IL2RB: variants seen among roughly 807,000 people sequenced by gnomAD.
IL2RB encodes interleukin 2 receptor subunit beta.
In IL2RB, 17 loss-of-function variants were observed where a neutral mutation model predicts 44.2. The ratio of observed to expected loss-of-function variants is 0.38; its 90% CI spans 0.26 to 0.58. The LOEUF (loss-of-function observed/expected upper bound fraction) is 0.58, where lower values mean the gene tolerates loss of function less well. Ranked by LOEUF, IL2RB falls within the 20% of genes least tolerant of loss-of-function variation. The probability of loss-of-function intolerance (pLI) is 0.63; values close to 1 mark genes in which losing one functional copy is unlikely to be tolerated. For missense variants in IL2RB, 624 were observed against 685.5 expected (o/e 0.91, Z 1.00); for synonymous variants, 286 against 297.9 (o/e 0.96, Z 0.41).
At chr22:37,132,215 C>T (rs939473760) in intron 9 of IL2RB, among the ~76,000 whole-genome samples, 169 bp downstream of exon 9, 10 of 152,134 alleles carry the variant, frequency 6.6e-5, no homozygotes, top group African/African-American at 2.2e-4. Context: ...GGCAGTCTGG[C>T]TCAGATGGAA....
intron 1 of IL2RB, among the ~76,000 whole-genome samples, chr22:37,160,706 G>A (rs1468261521): frequency 4.7e-5 from 5 of 107,180 alleles, no homozygotes; most frequent in Middle Eastern, 4.1e-3. Context: ...AAATTTAGCC[G>A]GGCATGGTGG....
At chr22:37,143,106 G>T (rs979945669) in intron 3 of IL2RB, among the ~76,000 whole-genome samples, 1 of 152,164 alleles carries the variant, frequency 6.6e-6, no homozygotes, top group Middle Eastern at 3.4e-3. Context: ...CCACTCCCAG[G>T]TTCCCTGTCC....
intron 9 of IL2RB, among the ~76,000 whole-genome samples, 165 bp downstream of exon 9, chr22:37,132,218 AG>A (rs1321991218): frequency 6.6e-6 from 1 of 152,198 alleles, no homozygotes; most frequent in Non-Finnish European, 1.5e-5. Flanking sequence ...AGTCTGGCTC[AG>A]ATGGAAAGTG....
rs536173701 is a variant in IL2RB at position 37,145,251 on chromosome 22, C to T, written c.-33-1046G>A. ...CTTTACGGAGGACCTTGTCCACACT[C>T]GTACTCCCCTACCTGCCTGGAAGCT... On this transcript the variant is annotated intron_variant, in intron 1 of 9. Transcript: ENST00000216223. Among the ~76,000 whole-genome samples the T allele has an allele frequency of 3.3e-5, 5 of 152,274 alleles. No individual in the cohort carries two copies. In the South Asian group the frequency reaches 6.2e-4, roughly 19 times the overall value.
At chr22:37,160,765 G>A (rs1432938973) in intron 1 of IL2RB, among the ~76,000 whole-genome samples, 2 of 151,266 alleles carry the variant, frequency 1.3e-5, no homozygotes, top group Non-Finnish European at 2.9e-5. Flanking sequence ...TGGGAGGATC[G>A]CTTGAGCCTG....
At chr22:37,130,040 C>T (rs1396781295) in intron 9 of IL2RB, among the ~76,000 whole-genome samples, 1 of 152,238 alleles carries the variant, frequency 6.6e-6, no homozygotes, top group Non-Finnish European at 1.5e-5. Flanking sequence ...CACACACACA[C>T]GCTTACATGC....
At chr22:37,154,476 G>A (rs943136022), upstream of IL2RB, among the ~76,000 whole-genome samples, 13 of 152,076 alleles carry the variant, frequency 8.5e-5, no homozygotes, top group African/African-American at 2.9e-4. Context: ...TCTGGCTAAT[G>A]GGATGTGGGA....
At chr22:37,133,399 A>G (rs1045190334) in intron 8 of IL2RB, among the ~76,000 whole-genome samples, 1 of 152,202 alleles carries the variant, frequency 6.6e-6, no homozygotes, top group Non-Finnish European at 1.5e-5. Context: ...GACGAGGGTC[A>G]GGAGAGCGGC....
intron 9 of IL2RB, among the ~76,000 whole-genome samples, chr22:37,131,516 C>T (rs1049876487): frequency 1.3e-5 from 2 of 152,222 alleles, no homozygotes; most frequent in Non-Finnish European, 2.9e-5. Flanking sequence ...TAGAGCGTTA[C>T]TGATCTGCGG....
At chr22:37,154,709 G>A (rs2146257875), upstream of IL2RB, among the ~76,000 whole-genome samples, 1 of 151,982 alleles carries the variant, frequency 6.6e-6, no homozygotes, top group East Asian at 1.9e-4. Context: ...CCGAGTAGCT[G>A]GGATTACAGG....
At chr22:37,148,482 C>G (rs1474714238) in intron 1 of IL2RB, among the ~76,000 whole-genome samples, 1 of 152,132 alleles carries the variant, frequency 6.6e-6, no homozygotes. Flanking sequence ...CTGGTCACAC[C>G]CACGGATGCC....
rs796822195 is a variant in IL2RB at position 37,144,142 on chromosome 22, G to T, written c.31C>A (p.Pro11Thr). The T allele has an allele frequency of 2.6e-5, 41 of 1,552,006 alleles. No homozygotes were observed. The Admixed American group carries it at 8.0e-4, about 30-fold the overall frequency. MAAPALSWRL[P>T]LLILLLPLAT... ...AGGGGCAGGAGGAGGATGAGGAGGG[G>T]CAGACGCCAGGACAGAGCAGGGGCC... Residue 11 changes from proline (P) to threonine (T), a missense_variant, in exon 2 of 10, where the codon CCC becomes ACC. Around this residue, in one of 3 missense-constraint regions of IL2RB, gnomAD observed 78 missense variants for 70.0 expected, o/e 1.11. Coordinates refer to ENST00000216223, the MANE Select transcript of IL2RB (RefSeq NM_000878.5).
intron 1 of IL2RB, among the ~76,000 whole-genome samples, chr22:37,165,513 A>G (rs1397994200): frequency 1.3e-5 from 2 of 152,120 alleles, no homozygotes; most frequent in Admixed American, 1.3e-4. Context: ...AAGATGCCCA[A>G]GACTCCACCC....
intron 1 of IL2RB, among the ~76,000 whole-genome samples, chr22:37,165,680 A>ACATTT (rs1555899383): frequency 0.023 from 3,329 of 143,572 alleles, 136 homozygotes; most frequent in African/African-American, 0.083. Context: ...CTTTTTTTAA[A>ACATTT]AATTTAATTT....
At chr22:37,151,579 T>C (rs1922487665), upstream of IL2RB, among the ~76,000 whole-genome samples, 2 of 152,242 alleles carry the variant, frequency 1.3e-5, no homozygotes, top group African/African-American at 2.4e-5. Flanking sequence ...TGATCTCATC[T>C]ATCATTTCTG....
At chr22:37,171,693 A>G (rs1483484621) in intron 1 of IL2RB, among the ~76,000 whole-genome samples, 2 of 152,236 alleles carry the variant, frequency 1.3e-5, no homozygotes, top group Non-Finnish European at 2.9e-5. Flanking sequence ...ATGATTCCCA[A>G]TGCATGCCTT....
chr22:37,166,056 G>C (rs1020116484), intron 1 of IL2RB, among the ~76,000 whole-genome samples: 6 of 152,200 alleles, frequency 3.9e-5, no homozygotes, highest in African/African-American at 1.4e-4. Flanking sequence ...GTGCAAACCT[G>C]AGCCATGCAC....
At chr22:37,143,718 A>T in intron 2 of IL2RB, 83 bp from the exon 3 acceptor site, 1 of 958,056 alleles carries the variant, frequency 1.0e-6, no homozygotes, top group Non-Finnish European at 1.7e-6. Context: ...TGCACCTGGC[A>T]CCCACACCTG....
intron 1 of IL2RB, among the ~76,000 whole-genome samples, chr22:37,160,277 T>G (rs1354598237): frequency 6.6e-6 from 1 of 152,210 alleles, no homozygotes; most frequent in African/African-American, 2.4e-5. Flanking sequence ...GGAGCATCAC[T>G]GGAGTGTATG....
Sources: gnomAD v4.1 joint callset for allele counts (sites outside exome capture counted in the v4.1 genomes callset) on GRCh38, gnomAD v4.1.1 for gene constraint, gnomAD v4.1.1 regional missense constraint, MANE v1.5 for transcripts, NCBI Gene and HGNC (gene_info 2026-07-23, HGNC 2026-07-21) for gene names.